The following GMCL1 variants were observed in gnomAD, a reference collection of about 807,000 sequenced individuals.
GMCL1 encodes germ cell-less protein-like 1.
A neutral mutation model predicts 75.5 loss-of-function variants in GMCL1; 54 were observed. The ratio of observed to expected loss-of-function variants is 0.71; its 90% CI spans 0.57 to 0.90. The LOEUF is 0.90. GMCL1 is among the 40% of genes least tolerant of loss of function. The pLI, the probability that GMCL1 is intolerant of heterozygous loss-of-function variation, is 0.00. For missense variants in GMCL1, 537 were observed against 622.7 expected, an observed-to-expected ratio of 0.86 and a Z score of 1.47; for synonymous variants, 210 against 209.6, an observed-to-expected ratio of 1.00 and a Z score of -0.02.
chr2:69,844,331 ACATC>A (rs1675072349), intron 6 of GMCL1, 135 bp downstream of exon 6: 9 of 520,798 alleles, frequency 1.7e-5, no homozygotes, highest in South Asian at 5.9e-5. Flanking sequence ...GGGCTTGACT[ACATC>A]CATAAACTGA....
At chr2:69,864,808 G>A (rs931779562) in intron 10 of GMCL1, 92 bp from the exon 11 acceptor site, 85 of 771,248 alleles carry the variant, frequency 1.1e-4, no homozygotes, top group Non-Finnish European at 1.7e-4. Context: ...TTTAAATCTG[G>A]TAGCAAGATT....
At chr2:69,860,079 G>C (rs1386049588) in intron 9 of GMCL1, among the ~76,000 whole-genome samples, 1 of 152,094 alleles carries the variant, frequency 6.6e-6, no homozygotes, top group Non-Finnish European at 1.5e-5. Flanking sequence ...AGGGCTCGCT[G>C]CAGCCTTGAT....
At chr2:69,878,860 TG>T in intron 13 of GMCL1, 48 bp from the exon 14 acceptor site, 1 of 1,355,746 alleles carries the variant, frequency 7.4e-7, no homozygotes, top group Non-Finnish European at 1.1e-6. Flanking sequence ...TTTGGTTTTT[TG>T]TTTTTATTTT....
chr2:69,856,994 A>C (rs1675489801), intron 9 of GMCL1, among the ~76,000 whole-genome samples: 1 of 152,128 alleles, frequency 6.6e-6, no homozygotes, highest in African/African-American at 2.4e-5. Context: ...CTCTTTGCCA[A>C]ACATTAGGCA....
chr2:69,844,073 AC>A (rs1675063235), intron 5 of GMCL1, 57 bp from the exon 6 acceptor site: 5 of 795,126 alleles, frequency 6.3e-6, no homozygotes, highest in Non-Finnish European at 9.7e-6. Context: ...TATAAGTCCT[AC>A]TTAATAAATT....
At chr2:69,847,712 G>T in intron 7 of GMCL1, 85 bp downstream of exon 7, 1 of 711,912 alleles carries the variant, frequency 1.4e-6, no homozygotes, top group Admixed American at 2.4e-5. Flanking sequence ...ACAGTATCCA[G>T]TAATAAAGGG....
At chr2:69,836,458 T>G (rs1358199758) in intron 1 of GMCL1, among the ~76,000 whole-genome samples, 1 of 152,206 alleles carries the variant, frequency 6.6e-6, no homozygotes, top group East Asian at 1.9e-4. Context: ...GTGGATACTA[T>G]TAATGTCCTC....
chr2:69,865,408 AAGGCTGAGATGGGC>A (rs1227643773), intron 11 of GMCL1, among the ~76,000 whole-genome samples: 1 of 152,078 alleles, frequency 6.6e-6, no homozygotes, highest in Non-Finnish European at 1.5e-5. Flanking sequence ...AGCACTTTGG[AAGGCTGAGATGGGC>A]GGATCACTTG....
intron 9 of GMCL1, among the ~76,000 whole-genome samples, chr2:69,859,169 T>G (rs1287014240): frequency 6.6e-6 from 1 of 150,468 alleles, no homozygotes; most frequent in African/African-American, 2.5e-5. Context: ...AAAAAAAAAT[T>G]TATGGGATAC....
chr2:69,842,850 A>C (rs1180783972), intron 4 of GMCL1: 1 of 176,492 alleles, frequency 5.7e-6, no homozygotes, highest in African/African-American at 2.4e-5. Flanking sequence ...CAAAGGTCTC[A>C]GACAGGGGAA....
At chr2:69,837,480 AT>A (rs1408663940) in intron 1 of GMCL1, 66 bp from the exon 2 acceptor site, 39 of 1,197,764 alleles carry the variant, frequency 3.3e-5, no homozygotes, top group Non-Finnish European at 4.4e-5. Flanking sequence ...GTATTTAGAA[AT>A]ATATGCAAAA....
In GMCL1 at chr2:69,871,765, ATAG is replaced by A. The variant is rs1452525909; in HGVS notation, c.1390_1392del (p.Ser464del). Reference sequence around the variant, plus strand: ...CCTAGATTACGTTTGGCTTCTTTTGATAGTAGTGGAAAACTAATATGTAGTAGA... The same window carrying A: ...CCTAGATTACGTTTGGCTTCTTTTGATAGTGGAAAACTAATATGTAGTAGA... On this transcript the variant is annotated inframe_deletion, in exon 13 of 14. Transcript: ENST00000282570. 3.8e-6 allele frequency: 6 copies of A among 1,570,928 alleles called. No individual in the cohort carries two copies. The highest frequency in any genetic ancestry group is 2.4e-5 in the South Asian group (2 of 84,732).
intron 11 of GMCL1, among the ~76,000 whole-genome samples, chr2:69,866,249 GAAA>G (rs57495632): frequency 7.5e-6 from 1 of 133,244 alleles, no homozygotes; most frequent in Non-Finnish European, 1.7e-5. Flanking sequence ...TCCATCTCAA[GAAA>G]AAAAAAAAAA....
intron 1 of GMCL1, among the ~76,000 whole-genome samples, chr2:69,830,365 C>T (rs972204940): frequency 6.6e-6 from 1 of 152,200 alleles, no homozygotes; most frequent in African/African-American, 2.4e-5. Context: ...CAACCACAGA[C>T]GCTTCCAGGG....
chr2:69,850,552 T>C (rs1675289067), intron 8 of GMCL1, among the ~76,000 whole-genome samples: 1 of 152,202 alleles, frequency 6.6e-6, no homozygotes, highest in Non-Finnish European at 1.5e-5. Context: ...ACTTCAGTCT[T>C]AACTCATGTG....
chr2:69,829,857 C>A lies in GMCL1; in HGVS notation c.-36C>A, dbSNP rs1258357579. On this transcript the variant is annotated 5_prime_UTR_variant, in exon 1 of 14. Coordinates refer to ENST00000282570, the MANE Select transcript of GMCL1 (RefSeq NM_178439.5). ...CCGAGCCATGGCGGGAGACCCCCTT[C>A]TCTGGGCTCCCTGAAGTCTCGGGGA... 9 of 1,528,370 alleles carry A rather than the reference C, an allele frequency of 5.9e-6. 1 individual carries two copies. Among genetic ancestry groups the A allele is most frequent in the Admixed American group, 2.1e-5 (1 of 48,076 alleles). 94.7% of individuals were successfully genotyped at this position (1,528,370 alleles called of 1,614,324 possible).
intron 13 of GMCL1, 123 bp downstream of exon 13, chr2:69,871,955 T>C: frequency 1.6e-6 from 1 of 632,176 alleles, no homozygotes; most frequent in Non-Finnish European, 2.7e-6. Flanking sequence ...GGTTTAAAAG[T>C]CTTTTGAAGG....
intron 13 of GMCL1, among the ~76,000 whole-genome samples, chr2:69,872,254 C>T (rs1676002039): frequency 6.6e-6 from 1 of 152,176 alleles, no homozygotes; most frequent in Non-Finnish European, 1.5e-5. Flanking sequence ...GAGCATTATT[C>T]TCTAGCCCAT....
At chr2:69,857,697 C>CT (rs1379717194) in intron 9 of GMCL1, among the ~76,000 whole-genome samples, 1 of 152,192 alleles carries the variant, frequency 6.6e-6, no homozygotes, top group Non-Finnish European at 1.5e-5. Flanking sequence ...ACAGAATACT[C>CT]TTATTTGTCC....
Sources: allele counts gnomAD v4.1 joint callset (sites outside exome capture counted in the v4.1 genomes callset), GRCh38; gene constraint gnomAD v4.1.1; transcripts MANE v1.5; gene names NCBI Gene and HGNC (gene_info 2026-07-23, HGNC 2026-07-21).